The following ATXN3 variants were observed in gnomAD, a reference collection of about 807,000 sequenced individuals.
The protein encoded by ATXN3 is ataxin 3, also known as ataxin-3.
A neutral mutation model predicts 58.2 loss-of-function variants in ATXN3; 28 were observed. The ratio of observed to expected loss-of-function variants is 0.48; its 90% CI spans 0.36 to 0.66. The LOEUF (loss-of-function observed/expected upper bound fraction) is 0.66. Ranked by LOEUF, ATXN3 falls within the 30% of genes least tolerant of loss-of-function variation. The pLI is 0.00. For missense variants in ATXN3, 321 were observed against 422.1 expected (o/e 0.76, Z 2.10); for synonymous variants, 113 against 138.5 (o/e 0.82, Z 1.29).
chr14:92,063,439 A>G lies in ATXN3; in HGVS notation c.*881T>C, dbSNP rs1196198830. The G allele has an allele frequency of 1.3e-5, 2 of 152,230 alleles. No homozygotes were observed. The highest frequency in any genetic ancestry group is 1.3e-4 in the Admixed American group (2 of 15,280). The allele number at this position is 152,230 out of a possible 1,614,324, so 9.4% of individuals were successfully genotyped here. On this transcript the variant is annotated 3_prime_UTR_variant, in exon 11 of 11. Coordinates refer to ENST00000644486, the MANE Select transcript of ATXN3 (RefSeq NM_004993.6). ...TTCTAACAGAAGGAGACTTGCCTGC[A>G]TACTATGCTTCTCCTAGTTTTCTCA... is the stretch of plus-strand genomic sequence containing the variant.
chr14:92,080,284 C>G (rs976451086), intron 9 of ATXN3, among the ~76,000 whole-genome samples: 1 of 152,090 alleles, frequency 6.6e-6, no homozygotes, highest in East Asian at 1.9e-4. Context: ...TTTGGGAATG[C>G]GCTCCCATAC....
In ATXN3 at chr14:92,082,393, C is replaced by G. The variant is rs754590483; in HGVS notation, c.682G>C (p.Asp228His). 1.2e-6 allele frequency: 2 copies of G among 1,614,138 alleles called. No individual in the cohort carries two copies. Among genetic ancestry groups the G allele is most frequent in the South Asian group, 2.2e-5 (2 of 91,080 alleles). The change falls in exon 8 of 11, where the codon GAT becomes CAT. Residue 228 changes from aspartate (D) to histidine (H), a missense_variant. Asp to His is a moderately conservative substitution (Grantham distance 81). Around this residue, in one of 2 missense-constraint regions of ATXN3, gnomAD observed 200 missense variants for 223.2 expected, o/e 0.90. Coordinates refer to ENST00000644486, the MANE Select transcript of ATXN3 (RefSeq NM_004993.6). ...CTTAGTGCCAGAGCCCTCTGCAAATCCTCCTCATCTTCGTCTAACATTCCT... is the reference window on the plus strand; with the variant it reads ...CTTAGTGCCAGAGCCCTCTGCAAATGCTCCTCATCTTCGTCTAACATTCCT... ...GSGMLDEDEE[D>H]LQRALALSRQ...
chr14:92,082,649 CTTT>C (rs34366039), intron 7 of ATXN3, among the ~76,000 whole-genome samples, 183 bp from the exon 8 acceptor site: 37,289 of 132,386 alleles, frequency 0.28, 4,648 homozygotes, highest in East Asian at 0.43. Flanking sequence ...TTTTCCGTTT[CTTT>C]TTTTTTTTTT....
Position 92,093,753 on chromosome 14 carries a change from C to T in ATXN3, c.313G>A (p.Asp105Asn), listed in dbSNP as rs746205070. 4.4e-5 allele frequency: 71 copies of T among 1,597,736 alleles called. No individual in the cohort carries two copies. The East Asian group carries it at 6.9e-4, about 16-fold the overall frequency. Residue 105 changes from aspartate to asparagine, a missense_variant, in exon 4 of 11, where the codon GAT (aspartate) becomes AAT (asparagine). This residue lies in a region of ATXN3 where 121 missense variants were observed against 198.9 expected (regional missense o/e 0.61). Coordinates refer to ENST00000644486, the MANE Select transcript of ATXN3 (RefSeq NM_004993.6). ...TGCAAAACAGAATCTTACATAGGATCGATCCTGAGCCTCTGATACTCTGGA... is the reference window on the plus strand; with the variant it reads ...TGCAAAACAGAATCTTACATAGGATTGATCCTGAGCCTCTGATACTCTGGA... ...NSPEYQRLRI[D>N]PINERSFICN...
At chr14:92,066,412 T>C (rs1016911107) in intron 10 of ATXN3, among the ~76,000 whole-genome samples, 1 of 152,026 alleles carries the variant, frequency 6.6e-6, no homozygotes, top group African/African-American at 2.4e-5. Flanking sequence ...CATATTTTAC[T>C]CTTTTTATTG....
intron 1 of ATXN3, among the ~76,000 whole-genome samples, chr14:92,106,180 GGAAGGATTGGGGAGGGGT>G (rs1279177003): frequency 6.6e-6 from 1 of 152,186 alleles, no homozygotes; most frequent in Non-Finnish European, 1.5e-5. Flanking sequence ...CTAGGGAGAG[GGAAGGATTGGGGAGGGGT>G]GAAGGAATCC....
chr14:92,071,319 G>A (rs1348006993), intron 9 of ATXN3: 7 of 601,512 alleles, frequency 1.2e-5, no homozygotes, highest in Non-Finnish European at 2.1e-5. Flanking sequence ...ATCATGGCCA[G>A]GAGTGGTGGC....
chr14:92,069,350 C>T (rs1428956843), intron 10 of ATXN3, among the ~76,000 whole-genome samples: 1 of 139,324 alleles, frequency 7.2e-6, no homozygotes, highest in Non-Finnish European at 1.5e-5. Flanking sequence ...GGATAACAGG[C>T]GTAAGCCACC....
intron 6 of ATXN3, among the ~76,000 whole-genome samples, chr14:92,086,210 C>T (rs8005484): frequency 1.4e-5 from 2 of 143,646 alleles, no homozygotes; most frequent in African/African-American, 2.7e-5. Flanking sequence ...GAATTCGAGA[C>T]CAACCTGGCC....
chr14:92,082,223 T>C (rs566394811), intron 8 of ATXN3, 77 bp downstream of exon 8: 5 of 1,483,756 alleles, frequency 3.4e-6, no homozygotes, highest in East Asian at 2.3e-5. Flanking sequence ...TAAGAGTACA[T>C]TAACTTCCAT....
rs574567962 is a variant in ATXN3, at chr14:92,097,187, G to A, written c.25-349C>T. 1.9e-3 allele frequency among the ~76,000 whole-genome samples: 286 copies of A among 151,736 alleles called. 5 individuals carry two copies. The highest frequency in any genetic ancestry group is 8.8e-3 in the South Asian group (42 of 4,798). ...GCCTCCCAAAGTGCTGGGATTACAGGCGTGAGCCACTGCGCCCGGCTCCCC... is the reference window on the plus strand; with the variant it reads ...GCCTCCCAAAGTGCTGGGATTACAGACGTGAGCCACTGCGCCCGGCTCCCC... On this transcript the variant is annotated intron_variant, in intron 1 of 10. Transcript: ENST00000644486.
Position 92,096,724 on chromosome 14 carries a change from T to C in ATXN3, c.139A>G (p.Arg47Gly). ...AHQLDEEERM[R>G]MAEGGVTSED... ...CTAGTAACTCCTCCTTCTGCCATTCTCATCCTCTCCTCCTCATCCAGCTGA... is the reference window on the plus strand; with the variant it reads ...CTAGTAACTCCTCCTTCTGCCATTCCCATCCTCTCCTCCTCATCCAGCTGA... The change falls in exon 2 of 11, where the codon AGA becomes GGA. Residue 47 changes from arginine (R) to glycine (G), a missense_variant. Coordinates refer to ENST00000644486, the MANE Select transcript of ATXN3 (RefSeq NM_004993.6). 6.2e-7 allele frequency: 1 copy of C among 1,614,032 alleles called. No homozygotes were observed. Among genetic ancestry groups the C allele is most frequent in the Non-Finnish European group, 8.5e-7 (1 of 1,179,970 alleles).
At chr14:92,074,435 C>A (rs922350860) in intron 9 of ATXN3, among the ~76,000 whole-genome samples, 9 of 152,240 alleles carry the variant, frequency 5.9e-5, no homozygotes, top group Admixed American at 1.3e-4. Context: ...CAAAATTCTG[C>A]TTCACTGCTG....
chr14:92,058,258 G>A (rs867130650), downstream of ATXN3: 3 of 152,194 alleles, frequency 2.0e-5, no homozygotes, highest in South Asian at 2.1e-4. Flanking sequence ...TGTAAAAAGT[G>A]CAAGTTCTGA....
At chr14:92,045,803 G>A (rs1341321665) in intron 2 of ATXN3, among the ~76,000 whole-genome samples, 1 of 152,210 alleles carries the variant, frequency 6.6e-6, no homozygotes, top group East Asian at 1.9e-4. Flanking sequence ...TGTGTGAGAA[G>A]AGATTGATAG....
At chr14:92,088,704 T>A (rs1287457516) in intron 6 of ATXN3, 26 bp downstream of exon 6, 1 of 1,480,506 alleles carries the variant, frequency 6.8e-7, no homozygotes, top group Admixed American at 1.7e-5. Flanking sequence ...AAAGGTAACA[T>A]TACAAAATGT....
intron 5 of ATXN3, among the ~76,000 whole-genome samples, chr14:92,093,045 A>ATTTATT (rs869090647): frequency 7.5e-6 from 1 of 133,126 alleles, no homozygotes; most frequent in South Asian, 2.5e-4. Flanking sequence ...TTTTTTTTTT[A>ATTTATT]TTTATTTTTA....
chr14:92,054,726 A>G (rs144027947), downstream of ATXN3, among the ~76,000 whole-genome samples: 384 of 152,160 alleles, frequency 2.5e-3, no homozygotes, highest in Non-Finnish European at 3.9e-3. Flanking sequence ...TGGGGTCTGG[A>G]TCCGGACCCC....
chr14:92,048,316 G>A (rs2057436255), intron 1 of ATXN3, among the ~76,000 whole-genome samples: 1 of 152,220 alleles, frequency 6.6e-6, no homozygotes, highest in Non-Finnish European at 1.5e-5. Flanking sequence ...GTTACTACTT[G>A]GCTGCCTCTA....
Sources: allele counts gnomAD v4.1 joint callset (sites outside exome capture counted in the v4.1 genomes callset), GRCh38; gene constraint gnomAD v4.1.1; regional missense constraint gnomAD v4.1.1; transcripts MANE v1.5; gene names NCBI Gene and HGNC (gene_info 2026-07-23, HGNC 2026-07-21).